The following ELP4 variants were observed in gnomAD, a reference collection of about 807,000 sequenced individuals.
The protein encoded by ELP4 is elongator acetyltransferase complex subunit 4.
ELP4 carries 51 observed loss-of-function variants against 48.9 expected under a neutral mutation model. The observed-to-expected ratio is 1.04, with a 90% CI of 0.83 to 1.32. The LOEUF (loss-of-function observed/expected upper bound fraction) is 1.32. ELP4 is among the 40% of genes most tolerant of loss of function. ELP4 has a pLI of 0.00. For missense variants in ELP4, 519 were observed against 514.6 expected (o/e 1.01, Z -0.08); for synonymous variants, 210 against 189.2 (o/e 1.11, Z -0.90).
intron 9 of ELP4, among the ~76,000 whole-genome samples, chr11:31,665,560 A>T (rs7933114): frequency 0.61 from 91,854 of 151,594 alleles, 31,595 homozygotes; most frequent in Non-Finnish European, 0.76. Flanking sequence ...ATAATCATCA[A>T]ATATCAAAGA....
In ELP4 at chr11:31,782,495, A is replaced by G. The variant is rs568657942; in HGVS notation, c.1144-898A>G. 7.0e-4 allele frequency among the ~76,000 whole-genome samples: 106 copies of G among 152,288 alleles called. 1 individual carries two copies. The highest frequency in any genetic ancestry group is 6.9e-3 in the Admixed American group (106 of 15,292). On this transcript the variant is annotated intron_variant, in intron 9 of 9. Coordinates refer to ENST00000640961, the MANE Select transcript of ELP4 (RefSeq NM_019040.5). ...AACAGATAAGTTCCTTTAAGTTTGG[A>G]TTTTTATGAAATAAATTTTGCGAGC...
intron 3 of ELP4, among the ~76,000 whole-genome samples, chr11:31,548,609 T>C: frequency 6.6e-6 from 1 of 152,194 alleles, no homozygotes; most frequent in Non-Finnish European, 1.5e-5. Flanking sequence ...TACCAATGAC[T>C]TTCTTCACAG....
chr11:31,587,310 A>G (rs1475153180), intron 3 of ELP4, among the ~76,000 whole-genome samples: 1 of 152,244 alleles, frequency 6.6e-6, no homozygotes, highest in Non-Finnish European at 1.5e-5. Flanking sequence ...GTCTGGTTAC[A>G]GACTAGAATG....
intron 3 of ELP4, among the ~76,000 whole-genome samples, chr11:31,566,345 G>A (rs1026147123): frequency 3.3e-5 from 5 of 151,350 alleles, no homozygotes; most frequent in Non-Finnish European, 5.9e-5. Flanking sequence ...GCGTCAGAGC[G>A]AGACTGCATC....
At chr11:31,563,610 T>A (rs1219449212) in intron 3 of ELP4, among the ~76,000 whole-genome samples, 2 of 152,156 alleles carry the variant, frequency 1.3e-5, no homozygotes, top group Non-Finnish European at 2.9e-5. Context: ...GGAGAAAAAC[T>A]GTTGTTTTGT....
At chr11:31,685,754 A>AC (rs1946147149) in intron 9 of ELP4, among the ~76,000 whole-genome samples, 2 of 151,922 alleles carry the variant, frequency 1.3e-5, no homozygotes, top group Admixed American at 1.3e-4. Flanking sequence ...ATATGGTGAA[A>AC]CCCCTTCTCT....
intron 9 of ELP4, among the ~76,000 whole-genome samples, chr11:31,694,296 G>A (rs550420357): frequency 5.3e-4 from 80 of 152,258 alleles, no homozygotes; most frequent in Middle Eastern, 3.4e-3. Flanking sequence ...ATGGTTTTAG[G>A]TCTAACATGT....
chr11:31,557,401 A>T (rs564077497), intron 3 of ELP4, among the ~76,000 whole-genome samples: 1 of 152,094 alleles, frequency 6.6e-6, no homozygotes, highest in Admixed American at 6.5e-5. Context: ...TTGCTAAATG[A>T]TGTAAAGTTT....
intron 9 of ELP4, among the ~76,000 whole-genome samples, chr11:31,686,855 T>G (rs1294021444): frequency 2.1e-5 from 3 of 141,230 alleles, no homozygotes; most frequent in African/African-American, 8.3e-5. Flanking sequence ...GGCAACAGAG[T>G]GAGACCCTGC....
chr11:31,731,567 G>GGTGT (rs148076836), intron 9 of ELP4, among the ~76,000 whole-genome samples: 5,124 of 142,752 alleles, frequency 0.036, 127 homozygotes, highest in East Asian at 0.12. Flanking sequence ...CCATTAAGCA[G>GGTGT]GTGTGTGTGT....
intron 7 of ELP4, among the ~76,000 whole-genome samples, chr11:31,640,688 G>A (rs1945076456): frequency 6.6e-6 from 1 of 151,926 alleles, no homozygotes; most frequent in Non-Finnish European, 1.5e-5. Flanking sequence ...GCCACAAAAT[G>A]TAACACTTAG....
intron 1 of ELP4, among the ~76,000 whole-genome samples, chr11:31,518,109 C>T (rs1429205281): frequency 9.7e-4 from 138 of 142,682 alleles, no homozygotes; most frequent in African/African-American, 3.1e-3. Flanking sequence ...TCTTTTTTTT[C>T]TTTTTTTTTT....
intron 9 of ELP4, among the ~76,000 whole-genome samples, chr11:31,734,971 A>G (rs545747766): frequency 6.6e-6 from 1 of 152,332 alleles, no homozygotes; most frequent in Non-Finnish European, 1.5e-5. Context: ...TTACAAAGCT[A>G]CAGTAATCAA....
chr11:31,693,326 C>A (rs1234929144), intron 9 of ELP4, among the ~76,000 whole-genome samples: 1 of 151,806 alleles, frequency 6.6e-6, no homozygotes, highest in African/African-American at 2.4e-5. Context: ...AACCCCATGA[C>A]AGCCCTGGGT....
chr11:31,539,587 G>C, intron 2 of ELP4, 75 bp from the exon 3 acceptor site: 1 of 1,433,380 alleles, frequency 7.0e-7, no homozygotes, highest in Non-Finnish European at 9.4e-7. Flanking sequence ...AAACATATGA[G>C]TGTGCTTGCT....
chr11:31,638,623 A>T (rs551152320), intron 7 of ELP4, among the ~76,000 whole-genome samples: 37 of 152,004 alleles, frequency 2.4e-4, no homozygotes, highest in African/African-American at 8.7e-4. Flanking sequence ...TGTTATTTTA[A>T]TTGATGTGTT....
At chr11:31,638,782 ACT>A (rs1319705718) in intron 7 of ELP4, among the ~76,000 whole-genome samples, 5 of 151,810 alleles carry the variant, frequency 3.3e-5, no homozygotes, top group African/African-American at 1.2e-4. Context: ...TAGCAGCTAA[ACT>A]CTAAGTCTAG....
At chr11:31,675,521 A>G (rs1045839820) in intron 9 of ELP4, among the ~76,000 whole-genome samples, 2 of 152,112 alleles carry the variant, frequency 1.3e-5, no homozygotes, top group Non-Finnish European at 2.9e-5. Flanking sequence ...TCGGCCTCCC[A>G]AAGTGCTGGG....
intron 5 of ELP4, among the ~76,000 whole-genome samples, chr11:31,612,917 A>G (rs1446722277): frequency 6.6e-6 from 1 of 152,142 alleles, no homozygotes; most frequent in African/African-American, 2.4e-5. Context: ...TTTGAAAGTG[A>G]TACTGGAAAA....
Sources: gnomAD v4.1 joint callset for allele counts (sites outside exome capture counted in the v4.1 genomes callset) on GRCh38, gnomAD v4.1.1 for gene constraint, MANE v1.5 for transcripts, NCBI Gene and HGNC (gene_info 2026-07-23, HGNC 2026-07-21) for gene names.